SAP30BP: variants seen among roughly 807,000 people sequenced by gnomAD.
SAP30BP encodes the protein SAP30-binding protein.
Under a neutral mutation model 46.3 loss-of-function variants are expected in SAP30BP, and 31 were observed. The observed-to-expected ratio is 0.67, with a 90% CI of 0.50 to 0.90. SAP30BP has a LOEUF of 0.90. Ranked by LOEUF, SAP30BP falls within the 40% of genes least tolerant of loss-of-function variation. The probability of loss-of-function intolerance (pLI) is 0.00; values close to 1 mark genes in which losing one functional copy is unlikely to be tolerated. For missense variants in SAP30BP, 312 were observed against 391.0 expected, an observed-to-expected ratio of 0.80 and a Z score of 1.70; for synonymous variants, 169 against 144.2, an observed-to-expected ratio of 1.17 and a Z score of -1.23.
intron 3 of SAP30BP, among the ~76,000 whole-genome samples, chr17:75,678,266 C>T (rs1201856832): frequency 1.3e-5 from 2 of 152,090 alleles, no homozygotes; most frequent in African/African-American, 2.4e-5. Flanking sequence ...CCAGGACCCC[C>T]TCCTCAGATG....
Position 75,671,800 on chromosome 17 carries a change from AT to A in SAP30BP, c.217-14del, listed in dbSNP as rs1158494058. On this transcript the variant is annotated splice_polypyrimidine_tract_variant and intron_variant, in intron 2 of 10. Transcript: ENST00000584667. ...CGCTCCTTTAAGCTTAATCCTCTAA[AT>A]TCTTTGTCTTGTAGGAAGATGACGA... is the stretch of plus-strand genomic sequence containing the variant. The A allele has an allele frequency of 6.2e-7, 1 of 1,609,910 alleles. No homozygotes were observed. Among genetic ancestry groups the A allele is most frequent in the South Asian group, 1.1e-5 (1 of 91,006 alleles).
At chr17:75,688,735 A>G (rs1222035072) in intron 3 of SAP30BP, among the ~76,000 whole-genome samples, 2 of 152,130 alleles carry the variant, frequency 1.3e-5, no homozygotes, top group Non-Finnish European at 2.9e-5. Flanking sequence ...TCGTGGGTCT[A>G]TATTGTTGTT....
chr17:75,687,513 G>A (rs1440165765), intron 3 of SAP30BP, among the ~76,000 whole-genome samples: 1 of 152,040 alleles, frequency 6.6e-6, no homozygotes, highest in Non-Finnish European at 1.5e-5. Flanking sequence ...CTACTTGGGA[G>A]GCTGAGGCAA....
chr17:75,704,876 C>T, intron 9 of SAP30BP, 62 bp downstream of exon 9: 1 of 1,357,656 alleles, frequency 7.4e-7, no homozygotes, highest in South Asian at 1.2e-5. Context: ...GTCCTGCTGG[C>T]TGAGCCCAGA....
intron 5 of SAP30BP, among the ~76,000 whole-genome samples, chr17:75,700,607 G>C (rs1308797806): frequency 6.6e-6 from 1 of 152,206 alleles, no homozygotes; most frequent in Non-Finnish European, 1.5e-5. Flanking sequence ...ATGACTAATG[G>C]GACCTGAGGC....
intron 3 of SAP30BP, chr17:75,690,619 A>G (rs1393908378): frequency 2.2e-6 from 1 of 452,958 alleles, no homozygotes; most frequent in Non-Finnish European, 4.4e-6. Flanking sequence ...GCGCCTGACC[A>G]AGCGAGCACT....
intron 4 of SAP30BP, among the ~76,000 whole-genome samples, chr17:75,695,881 C>T (rs2060310060): frequency 6.6e-6 from 1 of 152,168 alleles, no homozygotes; most frequent in African/African-American, 2.4e-5. Flanking sequence ...CACGGCTGAG[C>T]CTGGAGCAGT....
Position 75,706,458 on chromosome 17 carries a change from C to A in SAP30BP, c.864C>A (p.Ala288=). The change falls in exon 11 of 11, where the codon GCC becomes GCA. Residue 288 remains alanine, a synonymous_variant. Coordinates refer to ENST00000584667, the MANE Select transcript of SAP30BP (RefSeq NM_013260.8). This position sits in a 1 kb window ranked among gnomAD's most constrained non-coding sequence, Gnocchi z 4.6. ...CTGTTGTCACGGTCACCACCAGCGC[C>A]AGCGGCTCCAAGACCACCGTCATCT... ...LPAVVTVTTS[A]SGSKTTVISA... is the part of the protein sequence containing the mutation. 6.2e-7 allele frequency: 1 copy of A among 1,614,174 alleles called. No homozygotes were observed. The highest frequency in any genetic ancestry group is 8.5e-7 in the Non-Finnish European group (1 of 1,180,040).
intron 3 of SAP30BP, among the ~76,000 whole-genome samples, chr17:75,691,058 G>T (rs2060234461): frequency 6.6e-6 from 1 of 152,224 alleles, no homozygotes; most frequent in African/African-American, 2.4e-5. Flanking sequence ...TTGTTCAGAG[G>T]CACTGAGGGT....
At position 75,703,264 on chromosome 17, in the gene SAP30BP, C is replaced by T. The variant is rs776571316; in HGVS notation, c.489-47C>T. On this transcript the variant is annotated intron_variant, in intron 6 of 10. Transcript: ENST00000584667. ...GGAGCTGGATGGTTCAGGTCCCATG[C>T]AGGGACGTGGACTTGTGCCTGCTCA... 1.7e-5 allele frequency: 26 copies of T among 1,572,730 alleles called. No individual in the cohort carries two copies. In the Middle Eastern group the frequency reaches 1.5e-3, roughly 91 times the overall value.
chr17:75,693,868 G>A (rs151230064), intron 4 of SAP30BP, among the ~76,000 whole-genome samples: 20 of 152,204 alleles, frequency 1.3e-4, no homozygotes, highest in Admixed American at 9.8e-4. Context: ...GTCAGCATGT[G>A]GCCTCTGCTG....
Position 75,706,161 on chromosome 17 carries a change from G to A in SAP30BP, c.745+69G>A, listed in dbSNP as rs1027527736. On this transcript the variant is annotated intron_variant, in intron 10 of 10. Transcript: ENST00000584667. The surrounding 1 kb of genome is among the most constrained non-coding windows in gnomAD (Gnocchi z 4.6). Reference sequence around the variant, plus strand: ...CAGGGTCTCCCTGGCTTGTTTGGGCGACAGACAGCACGTGGATCTGGGCCT... The same window carrying A: ...CAGGGTCTCCCTGGCTTGTTTGGGCAACAGACAGCACGTGGATCTGGGCCT... 79 of 1,574,820 alleles carry A rather than the reference G, an allele frequency of 5.0e-5. No individual in the cohort carries two copies. The highest frequency in any genetic ancestry group is 4.8e-4 in the East Asian group (21 of 43,818).
At chr17:75,685,477 A>G (rs560958550) in intron 3 of SAP30BP, among the ~76,000 whole-genome samples, 1 of 151,958 alleles carries the variant, frequency 6.6e-6, no homozygotes, top group South Asian at 2.1e-4. Context: ...TCCCCTTCCT[A>G]CCGGTGTCGA....
In SAP30BP at chr17:75,703,870, G is replaced by C. The variant is rs189363591; in HGVS notation, c.601+11G>C. On this transcript the variant is annotated intron_variant, in intron 8 of 10. Transcript: ENST00000584667. Reference sequence around the variant, plus strand: ...ACTATGAGGCATTAGGTAGCCTTTCGTCCCTCCTCCCATATACCTTGTCCG... The same window carrying C: ...ACTATGAGGCATTAGGTAGCCTTTCCTCCCTCCTCCCATATACCTTGTCCG... The C allele has an allele frequency of 2.5e-6, 4 of 1,603,186 alleles. No individual in the cohort carries two copies. The African/African-American group carries it at 5.3e-5, about 21-fold the overall frequency.
chr17:75,702,645 G>A, intron 6 of SAP30BP, 74 bp downstream of exon 6: 1 of 697,548 alleles, frequency 1.4e-6, no homozygotes, highest in Non-Finnish European at 2.5e-6. Flanking sequence ...TCCCCAAGGA[G>A]GTGGTGAGGA....
chr17:75,696,176 GCGCTGCTTCCAAGAGACTGTGGACACAT>G (rs1294225283), intron 4 of SAP30BP, among the ~76,000 whole-genome samples: 1 of 152,176 alleles, frequency 6.6e-6, no homozygotes, highest in African/African-American at 2.4e-5. Context: ...CACAGACCCA[GCGCTGCTTCCAAGAGACTGTGGACACAT>G]CGCTTTACTG....
chr17:75,698,571 T>C (rs1004809071), intron 4 of SAP30BP, among the ~76,000 whole-genome samples: 1 of 147,830 alleles, frequency 6.8e-6, no homozygotes, highest in Non-Finnish European at 1.5e-5. Flanking sequence ...TACAGACATA[T>C]GCAGTGGTGG....
chr17:75,702,713 C>T, intron 6 of SAP30BP, 142 bp downstream of exon 6: 1 of 510,580 alleles, frequency 2.0e-6, no homozygotes, highest in Admixed American at 3.3e-5. Context: ...GCCTGCTGGA[C>T]ATGGCGGACT....
intron 4 of SAP30BP, among the ~76,000 whole-genome samples, chr17:75,696,766 CTT>C (rs34464076): frequency 5.0e-4 from 50 of 100,650 alleles, no homozygotes; most frequent in South Asian, 1.1e-3. Flanking sequence ...CTCCCCTCCT[CTT>C]TTTTTTTTTT....
Sources: gnomAD v4.1 joint callset for allele counts (sites outside exome capture counted in the v4.1 genomes callset) on GRCh38, gnomAD v4.1.1 for gene constraint, Gnocchi (gnomAD v3.1) non-coding constraint, MANE v1.5 for transcripts, NCBI Gene and HGNC (gene_info 2026-07-23, HGNC 2026-07-21) for gene names.